Variants in RBFOX3 observed in about 807,000 individuals in gnomAD.
RBFOX3 encodes the protein RNA binding fox-1 homolog 3, also known as RNA binding protein fox-1 homolog 3.
In RBFOX3, 17 loss-of-function variants were observed where a neutral mutation model predicts 48.7. That is an observed-to-expected ratio of 0.35 (90% confidence interval 0.24 to 0.52). RBFOX3 has a LOEUF of 0.52. Among genes scored for constraint, RBFOX3 ranks in the 20% least tolerant of loss-of-function variants. The probability of loss-of-function intolerance (pLI) is 0.94; values close to 1 mark genes in which losing one functional copy is unlikely to be tolerated. For missense variants in RBFOX3, 382 were observed against 497.5 expected, an observed-to-expected ratio of 0.77 and a Z score of 2.21; for synonymous variants, 212 against 209.5, an observed-to-expected ratio of 1.01 and a Z score of -0.10.
intron 3 of RBFOX3, among the ~76,000 whole-genome samples, chr17:79,302,122 C>G (rs75045612): frequency 0.014 from 2,097 of 152,296 alleles, 49 homozygotes; most frequent in African/African-American, 0.047. Flanking sequence ...TCTATGTATT[C>G]TAATATAATG....
intron 2 of RBFOX3, among the ~76,000 whole-genome samples, chr17:79,470,589 G>GGAACCCCCC (rs1352617741): frequency 6.6e-6 from 1 of 152,178 alleles, no homozygotes; most frequent in African/African-American, 2.4e-5. Flanking sequence ...CTCAAGCTAG[G>GGAACCCCCC]GAACCCCCCT....
At chr17:79,427,371 G>A (rs1363308941) in intron 2 of RBFOX3, among the ~76,000 whole-genome samples, 1 of 152,212 alleles carries the variant, frequency 6.6e-6, no homozygotes, top group Non-Finnish European at 1.5e-5. Flanking sequence ...CTACACAGTT[G>A]GGCTGGCGGG....
chr17:79,328,409 G>A (rs1437784017), intron 2 of RBFOX3, among the ~76,000 whole-genome samples: 2 of 152,250 alleles, frequency 1.3e-5, no homozygotes, highest in Admixed American at 6.5e-5. Context: ...TGGCTGAGAT[G>A]CCTGGCCCCA....
At chr17:79,277,303 AGG>A (rs372298818) in intron 3 of RBFOX3, among the ~76,000 whole-genome samples, 1 of 76,696 alleles carries the variant, frequency 1.3e-5, no homozygotes, top group Non-Finnish European at 2.5e-5. Flanking sequence ...AATGGTGGGG[AGG>A]GGGGGGGTAG....
At chr17:79,239,507 G>A (rs1007200057) in intron 3 of RBFOX3, among the ~76,000 whole-genome samples, 3 of 152,214 alleles carry the variant, frequency 2.0e-5, no homozygotes, top group African/African-American at 7.2e-5. Context: ...GACAGAGCAA[G>A]ACCCGCCTGC....
intron 2 of RBFOX3, among the ~76,000 whole-genome samples, chr17:79,451,779 A>G (rs972455785): frequency 6.6e-6 from 1 of 152,262 alleles, no homozygotes; most frequent in South Asian, 2.1e-4. Context: ...CAATAAGCGT[A>G]CCAACATCAT....
intron 1 of RBFOX3, among the ~76,000 whole-genome samples, chr17:79,558,054 C>T (rs1302624582): frequency 1.3e-5 from 2 of 152,128 alleles, no homozygotes; most frequent in South Asian, 2.1e-4. Flanking sequence ...TTTTCTGAGC[C>T]GAGGAAACCC....
intron 5 of RBFOX3, among the ~76,000 whole-genome samples, chr17:79,107,851 C>T (rs2077698504): frequency 6.6e-6 from 1 of 152,222 alleles, no homozygotes; most frequent in African/African-American, 2.4e-5. Flanking sequence ...CACCAGGGTA[C>T]AGGAGAGTCC....
chr17:79,306,182 C>A (rs1321453680), intron 3 of RBFOX3, among the ~76,000 whole-genome samples: 1 of 152,252 alleles, frequency 6.6e-6, no homozygotes, highest in Non-Finnish European at 1.5e-5. Context: ...TGAGCCTCAG[C>A]TCTGCCAGTT....
rs954434287 is a variant in RBFOX3 at position 79,220,570 on chromosome 17, C to T, written c.-34+15196G>A. On this transcript the variant is annotated intron_variant, in intron 4 of 14. Transcript: ENST00000693108. This position sits in a 1 kb window ranked among gnomAD's most constrained non-coding sequence, Gnocchi z 5.9. ...TTGAACTACAGCGTCCTGATTCCAG[C>T]GCTCATCAAGCAGGGGACCCAGGGG... is the stretch of plus-strand genomic sequence containing the variant. Among the ~76,000 whole-genome samples, 6 of 151,644 alleles carry T rather than the reference C, an allele frequency of 4.0e-5. No individual in the cohort carries two copies. The highest frequency in any genetic ancestry group is 6.6e-5 in the Admixed American group (1 of 15,250).
chr17:79,241,342 G>A (rs752913182), intron 3 of RBFOX3, among the ~76,000 whole-genome samples: 8 of 152,036 alleles, frequency 5.3e-5, no homozygotes, highest in Non-Finnish European at 7.4e-5. Context: ...AGCCCTCTGC[G>A]TAACACCATC....
chr17:79,158,572 A>C (rs1241103700), intron 4 of RBFOX3, among the ~76,000 whole-genome samples: 1 of 152,210 alleles, frequency 6.6e-6, no homozygotes, highest in Non-Finnish European at 1.5e-5. Flanking sequence ...GAGCCCCTAC[A>C]AACACAGCCA....
At chr17:79,386,575 G>A (rs1053957147) in intron 2 of RBFOX3, among the ~76,000 whole-genome samples, 12 of 152,196 alleles carry the variant, frequency 7.9e-5, no homozygotes, top group African/African-American at 2.9e-4. Flanking sequence ...GCCCCCAAGT[G>A]TTCTGTTCTC....
At chr17:79,485,797 C>T (rs903344628) in intron 1 of RBFOX3, among the ~76,000 whole-genome samples, 8 of 152,230 alleles carry the variant, frequency 5.3e-5, no homozygotes, top group South Asian at 2.1e-4. Context: ...GCCTCCTTGG[C>T]GCCCCGCACC....
At position 79,167,111 on chromosome 17, in the gene RBFOX3, T is replaced by C. The variant is rs550747607; in HGVS notation, c.-33-51363A>G. On this transcript the variant is annotated intron_variant, in intron 4 of 14. Transcript: ENST00000693108. Reference sequence around the variant, plus strand: ...ACAAGGGCAACCTTCTCAGCTACTCTGGGCCGCAGTTCTTCTCTTCTGTGA... The same window carrying C: ...ACAAGGGCAACCTTCTCAGCTACTCCGGGCCGCAGTTCTTCTCTTCTGTGA... 4.0e-4 allele frequency among the ~76,000 whole-genome samples: 61 copies of C among 152,322 alleles called. 1 individual carries two copies. In the South Asian group the frequency reaches 0.012, roughly 31 times the overall value.
chr17:79,472,633 T>C (rs768906290), intron 2 of RBFOX3, among the ~76,000 whole-genome samples: 1 of 152,226 alleles, frequency 6.6e-6, no homozygotes, highest in African/African-American at 2.4e-5. Flanking sequence ...GCCTCTTGAA[T>C]TTTGAGAAAA....
intron 2 of RBFOX3, among the ~76,000 whole-genome samples, chr17:79,412,819 G>A (rs1346066701): frequency 6.6e-6 from 1 of 151,240 alleles, no homozygotes; most frequent in Non-Finnish European, 1.5e-5. Flanking sequence ...CTATGCATGT[G>A]TGTGTATATA....
intron 4 of RBFOX3, among the ~76,000 whole-genome samples, chr17:79,190,440 C>CTACAACAAAAAAAAAA (rs1024817953): frequency 7.8e-6 from 1 of 128,138 alleles, no homozygotes; most frequent in African/African-American, 2.9e-5. Flanking sequence ...AACAAAAAAA[C>CTACAACAAAAAAAAAA]AGAGTGAAGA....
At chr17:79,619,823 C>T in the RBFOX3 span, among the ~76,000 whole-genome samples, 1 of 152,174 alleles carries the variant, frequency 6.6e-6, no homozygotes, top group Non-Finnish European at 1.5e-5. Context: ...CCTGGGGGAG[C>T]CTCCTCTACT....
Sources: allele counts gnomAD v4.1 joint callset (sites outside exome capture counted in the v4.1 genomes callset), GRCh38; gene constraint gnomAD v4.1.1; non-coding constraint Gnocchi (gnomAD v3.1); transcripts MANE v1.5; gene names NCBI Gene and HGNC (gene_info 2026-07-23, HGNC 2026-07-21).